SOAT2: variants seen among roughly 807,000 people sequenced by gnomAD.
SOAT2 encodes the protein sterol O-acyltransferase 2.
A neutral mutation model predicts 76.0 loss-of-function variants in SOAT2; 87 were observed. The observed-to-expected ratio is 1.14, with a 90% CI of 0.96 to 1.37. SOAT2 has a LOEUF of 1.37. Ranked by LOEUF, SOAT2 falls within the 40% of genes most tolerant of loss-of-function variation. SOAT2 has a pLI of 0.00. For missense variants in SOAT2, 686 were observed against 682.1 expected (o/e 1.01, Z -0.06); for synonymous variants, 285 against 275.4 (o/e 1.03, Z -0.34).
intron 12 of SOAT2, among the ~76,000 whole-genome samples, chr12:53,122,418 A>G (rs2121306439): frequency 2.2e-5 from 3 of 133,784 alleles, no homozygotes; most frequent in African/African-American, 1.0e-4. Flanking sequence ...ACAATAGTGG[A>G]GGGAAGGTCA....
chr12:53,104,235 G>A (rs375226612), intron 2 of SOAT2, 29 bp downstream of exon 2: 3 of 1,561,130 alleles, frequency 1.9e-6, no homozygotes, highest in Non-Finnish European at 2.6e-6. Flanking sequence ...CAGAGGTCAA[G>A]TGGACAGATC....
chr12:53,122,779 A>C (rs905288074), intron 12 of SOAT2, among the ~76,000 whole-genome samples: 1 of 151,094 alleles, frequency 6.6e-6, no homozygotes, highest in African/African-American at 2.5e-5. Context: ...TCCTTTCCCC[A>C]CCTTTCCCCC....
intron 6 of SOAT2, 59 bp downstream of exon 6, chr12:53,115,713 A>T: frequency 6.9e-7 from 1 of 1,448,408 alleles, no homozygotes; most frequent in Non-Finnish European, 9.0e-7. Context: ...CCATCTCAGC[A>T]GAGGGGGAGT....
At chr12:53,122,206 CTT>C (rs55672871) in intron 12 of SOAT2, among the ~76,000 whole-genome samples, 12,027 of 110,928 alleles carry the variant, frequency 0.11, 1,679 homozygotes, top group African/African-American at 0.38. Context: ...GGTGGGGGCT[CTT>C]TTTTTTTTTT....
chr12:53,106,011 G>A lies in SOAT2; in HGVS notation c.440G>A (p.Gly147Asp). ...CTGGCCATCGACTTCATTGATGAGG[G>A]CAGGTAGGTCCCCTTCCCACCTGGG... is the stretch of plus-strand genomic sequence containing the variant. ...STLAIDFIDE[G>D]RLLLEFDLLI... is the part of the protein sequence containing the mutation. The change falls in exon 5 of 15, where the codon GGC (glycine) becomes GAC (aspartate). Residue 147 changes from glycine (G) to aspartate (D), a missense_variant. By Grantham distance (94) the Gly-to-Asp change is moderately conservative. Coordinates refer to ENST00000301466, the MANE Select transcript of SOAT2 (RefSeq NM_003578.4). 1 of 1,611,356 alleles carries A rather than the reference G, an allele frequency of 6.2e-7. No individual in the cohort carries two copies. Among genetic ancestry groups the A allele is most frequent in the Non-Finnish European group, 8.5e-7 (1 of 1,177,664 alleles).
At position 53,120,831 on chromosome 12, in the gene SOAT2, GGCTCAACGCCTTT is replaced by G. The variant is rs1938179723; in HGVS notation, c.1088_1100del (p.Leu363ProfsTer55). 6.2e-7 allele frequency: 1 copy of G among 1,614,000 alleles called. No individual in the cohort carries two copies. Among genetic ancestry groups the G allele is most frequent in the Admixed American group, 1.7e-5 (1 of 59,998 alleles). ...ATCTTCTTTGCCTTCCTCCATTGCTGGCTCAACGCCTTTGCCGAGATGCTACGATTTGGAGACA... is the reference window on the plus strand; with the variant it reads ...ATCTTCTTTGCCTTCCTCCATTGCTGGCCGAGATGCTACGATTTGGAGACA... On this transcript the variant is annotated frameshift_variant, in exon 11 of 15. Coordinates refer to ENST00000301466, the MANE Select transcript of SOAT2 (RefSeq NM_003578.4). LOFTEE classifies it high-confidence loss of function.
chr12:53,107,622 C>CTTTTTTTT (rs1303838303), intron 5 of SOAT2, among the ~76,000 whole-genome samples: 3 of 117,032 alleles, frequency 2.6e-5, no homozygotes, highest in African/African-American at 1.1e-4. Context: ...AACAGATGTA[C>CTTTTTTTT]TTTTTTTTTT....
chr12:53,109,049 C>T (rs1298625256), intron 5 of SOAT2, among the ~76,000 whole-genome samples: 2 of 152,068 alleles, frequency 1.3e-5, no homozygotes. Context: ...CCAACCTGGC[C>T]AATATGGTGA....
At chr12:53,121,268 C>G in intron 11 of SOAT2, 35 bp from the exon 12 acceptor site, 1 of 1,498,900 alleles carries the variant, frequency 6.7e-7, no homozygotes, top group Admixed American at 1.7e-5. Context: ...TGCTTGCTTA[C>G]CTCCTTTCCC....
In SOAT2 at chr12:53,116,092, C is replaced by T; in HGVS notation, c.709-5C>T. On this transcript the variant is annotated splice_region_variant and splice_polypyrimidine_tract_variant and intron_variant, in intron 6 of 14. Coordinates refer to ENST00000301466, the MANE Select transcript of SOAT2 (RefSeq NM_003578.4). ...AACTTTTCCTCCCCTTCCATTCTGC[C>T]ACAGGTTAGGTTCCTGATGAAAAGC... 1.2e-6 allele frequency: 2 copies of T among 1,613,874 alleles called. No individual in the cohort carries two copies. Among genetic ancestry groups the T allele is most frequent in the African/African-American group, 1.3e-5 (1 of 75,034 alleles).
At chr12:53,103,694 A>C in intron 1 of SOAT2, 35 bp downstream of exon 1, 1 of 1,460,808 alleles carries the variant, frequency 6.8e-7, no homozygotes, top group Non-Finnish European at 9.1e-7. Flanking sequence ...AGGCACAGGC[A>C]AGTGGGGGGG....
chr12:53,110,541 T>C (rs1376523487), intron 5 of SOAT2, among the ~76,000 whole-genome samples: 1 of 152,214 alleles, frequency 6.6e-6, no homozygotes, highest in Non-Finnish European at 1.5e-5. Flanking sequence ...CCTAAACATG[T>C]TTCTCTTTAA....
rs931179218 is a variant in SOAT2, at chr12:53,103,794, C to T, written c.82+135C>T. 10 of 766,752 alleles carry T rather than the reference C, an allele frequency of 1.3e-5. No homozygotes were observed. In the African/African-American group the frequency reaches 1.6e-4, roughly 12 times the overall value. The allele number at this position is 766,752 out of a possible 1,614,324, so 47.5% of individuals were successfully genotyped here. On this transcript the variant is annotated intron_variant, in intron 1 of 14. Coordinates refer to ENST00000301466, the MANE Select transcript of SOAT2 (RefSeq NM_003578.4). Reference sequence around the variant, plus strand: ...CCAGAGAGGCCAAGGAAGGTAGACCCTGGCCTCAGCCCAGAGCCACCCAGC... The same window carrying T: ...CCAGAGAGGCCAAGGAAGGTAGACCTTGGCCTCAGCCCAGAGCCACCCAGC...
At position 53,115,670 on chromosome 12, in the gene SOAT2, T is replaced by A; in HGVS notation, c.708+16T>A. On this transcript the variant is annotated intron_variant, in intron 6 of 14. Transcript: ENST00000301466. ...CTTCGAGCAGGTGAGGGCCGAGCCC[T>A]GCTGACGGACAGGAAGGAACCAGCT... 2 of 1,498,006 alleles carry A rather than the reference T, an allele frequency of 1.3e-6. No individual in the cohort carries two copies. The highest frequency in any genetic ancestry group is 2.6e-5 in the South Asian group (2 of 75,628). The allele number at this position is 1,498,006 out of a possible 1,614,324, so 92.8% of individuals were successfully genotyped here.
chr12:53,111,840 TTAAAG>T (rs1488527957), intron 5 of SOAT2, among the ~76,000 whole-genome samples: 1 of 152,252 alleles, frequency 6.6e-6, no homozygotes, highest in South Asian at 2.1e-4. Flanking sequence ...CTTTTTTCTG[TTAAAG>T]TATTTAAGTG....
At chr12:53,107,555 T>C (rs567479777) in intron 5 of SOAT2, among the ~76,000 whole-genome samples, 7 of 145,590 alleles carry the variant, frequency 4.8e-5, no homozygotes, top group Non-Finnish European at 7.5e-5. Context: ...TAGAATTTAA[T>C]CCAAACTGCA....
intron 5 of SOAT2, among the ~76,000 whole-genome samples, chr12:53,111,254 C>T (rs971382586): frequency 4.6e-5 from 7 of 152,060 alleles, no homozygotes; most frequent in African/African-American, 1.7e-4. Context: ...TACAGGCGCC[C>T]GCCACCACGC....
At chr12:53,122,136 C>CATATTAAATAAGCT in intron 12 of SOAT2, among the ~76,000 whole-genome samples, 1 of 151,174 alleles carries the variant, frequency 6.6e-6, no homozygotes, top group African/African-American at 2.4e-5. Flanking sequence ...TGATGTCACC[C>CATATTAAATAAGCT]CTTCTGACCT....
At chr12:53,115,249 C>A in intron 5 of SOAT2, 141 bp from the exon 6 acceptor site, 1 of 885,182 alleles carries the variant, frequency 1.1e-6, no homozygotes, top group Non-Finnish European at 1.7e-6. Context: ...CACAGAGGTG[C>A]CGTCTTGAAC....
Sources: allele counts gnomAD v4.1 joint callset (sites outside exome capture counted in the v4.1 genomes callset), GRCh38; gene constraint gnomAD v4.1.1; transcripts MANE v1.5; gene names NCBI Gene and HGNC (gene_info 2026-07-23, HGNC 2026-07-21).